The following MKLN1 variants were observed in gnomAD, a reference collection of about 807,000 sequenced individuals.
MKLN1 encodes the protein muskelin.
A neutral mutation model predicts 99.0 loss-of-function variants in MKLN1; 18 were observed. That is an observed-to-expected ratio of 0.18 (90% CI 0.13 to 0.27). MKLN1 has a LOEUF of 0.27. Among genes scored for constraint, MKLN1 ranks in the 10% least tolerant of loss-of-function variants. The pLI is 1.00. For missense variants in MKLN1, 621 were observed against 875.9 expected, an observed-to-expected ratio of 0.71 and a Z score of 3.67; for synonymous variants, 288 against 293.2, an observed-to-expected ratio of 0.98 and a Z score of 0.18.
intron 3 of MKLN1, among the ~76,000 whole-genome samples, chr7:131,233,772 GA>G: frequency 1.3e-5 from 2 of 151,938 alleles, no homozygotes; most frequent in South Asian, 4.2e-4. Flanking sequence ...TGACCTACTG[GA>G]CTTTAAGACA....
chr7:131,455,811 C>T (rs984790587), intron 12 of MKLN1, among the ~76,000 whole-genome samples: 14 of 152,022 alleles, frequency 9.2e-5, no homozygotes, highest in African/African-American at 2.2e-4. Flanking sequence ...TTTGGGAGGC[C>T]GAGGCAGGCG....
chr7:131,127,569 A>C (rs374443724), intron 1 of MKLN1, among the ~76,000 whole-genome samples: 3 of 152,228 alleles, frequency 2.0e-5, no homozygotes, highest in African/African-American at 7.2e-5. Flanking sequence ...TGAAAAGATC[A>C]GGCATGGCCA....
rs190204414 is a variant in MKLN1 at position 131,174,427 on chromosome 7, G to A, written c.-296-28430G>A. 1.0e-3 allele frequency among the ~76,000 whole-genome samples: 155 copies of A among 152,270 alleles called. 2 individuals are homozygous for A. Among genetic ancestry groups the A allele is most frequent in the African/African-American group, 3.3e-3 (136 of 41,546 alleles). ...GGAAAACAATAGCGGGGACAAGAAAGGTTTTAAAAGCCTTCGAAAGTTCCT... is the reference window on the plus strand; with the variant it reads ...GGAAAACAATAGCGGGGACAAGAAAAGTTTTAAAAGCCTTCGAAAGTTCCT... On this transcript the variant is annotated intron_variant, in intron 2 of 7. Transcript: ENST00000416992.
intron 2 of MKLN1, among the ~76,000 whole-genome samples, chr7:131,386,700 A>G (rs2116881453): frequency 6.6e-6 from 1 of 152,362 alleles, no homozygotes; most frequent in East Asian, 1.9e-4. Flanking sequence ...TTCTACATCT[A>G]AAAATTTTAG....
intron 1 of MKLN1, among the ~76,000 whole-genome samples, chr7:131,122,293 C>T (rs1410735592): frequency 1.3e-5 from 2 of 152,190 alleles, no homozygotes; most frequent in East Asian, 1.9e-4. Flanking sequence ...TGACTGCAAA[C>T]CCAGCTTGAT....
At chr7:131,439,835 G>A (rs1488195415) in intron 10 of MKLN1, among the ~76,000 whole-genome samples, 2 of 150,390 alleles carry the variant, frequency 1.3e-5, no homozygotes, top group Admixed American at 6.7e-5. Context: ...TGGTTTTCCA[G>A]GAATAATGGT....
chr7:131,276,098 C>T (rs1016313435), intron 3 of MKLN1, among the ~76,000 whole-genome samples: 3 of 152,182 alleles, frequency 2.0e-5, no homozygotes, highest in Admixed American at 6.5e-5. Context: ...GGAGGAAGAA[C>T]GAGACAGGCA....
chr7:131,296,281 A>T (rs1165087778), intron 3 of MKLN1, among the ~76,000 whole-genome samples: 1 of 152,248 alleles, frequency 6.6e-6, no homozygotes, highest in African/African-American at 2.4e-5. Flanking sequence ...AAATAAATTT[A>T]TGGCCCATCC....
chr7:131,334,963 A>G (rs1563298291), intron 1 of MKLN1, among the ~76,000 whole-genome samples: 2 of 152,190 alleles, frequency 1.3e-5, no homozygotes, highest in Admixed American at 6.5e-5. Context: ...TAAAATTTCT[A>G]GGTCTTTATA....
chr7:131,435,756 C>T (rs1795659556), intron 9 of MKLN1, among the ~76,000 whole-genome samples: 1 of 152,034 alleles, frequency 6.6e-6, no homozygotes, highest in Non-Finnish European at 1.5e-5. Flanking sequence ...ATTTCTGGTA[C>T]TGGCAATTTG....
At chr7:131,370,938 G>A (rs1339600338) in intron 1 of MKLN1, among the ~76,000 whole-genome samples, 1 of 152,138 alleles carries the variant, frequency 6.6e-6, no homozygotes, top group African/African-American at 2.4e-5. Flanking sequence ...CTGGAGATCA[G>A]CAGGAGTATC....
chr7:131,170,999 C>G (rs577701600), intron 2 of MKLN1, among the ~76,000 whole-genome samples: 2 of 152,242 alleles, frequency 1.3e-5, no homozygotes, highest in East Asian at 3.9e-4. Flanking sequence ...TGCAAAAGAT[C>G]AAGATAACAT....
At chr7:131,124,211 G>A (rs1349624654) in intron 1 of MKLN1, among the ~76,000 whole-genome samples, 1 of 152,206 alleles carries the variant, frequency 6.6e-6, no homozygotes, top group Non-Finnish European at 1.5e-5. Context: ...AGCTGTTGTT[G>A]TAGTATTACA....
intron 2 of MKLN1, among the ~76,000 whole-genome samples, chr7:131,154,154 A>G (rs990956284): frequency 1.3e-5 from 2 of 152,202 alleles, no homozygotes; most frequent in Admixed American, 1.3e-4. Context: ...ATATTAGAAA[A>G]CAAAGAATAG....
In MKLN1 at chr7:131,386,085, C is replaced by G. The variant is rs28631691; in HGVS notation, c.169-1035C>G. On this transcript the variant is annotated intron_variant, in intron 2 of 17. Transcript: ENST00000352689. ...CTAGAGTGCAATGGCGTGATCTTGG[C>G]TCACTGCAACCTCCATCTCTAGGGT... Among the ~76,000 whole-genome samples the G allele has an allele frequency of 1.2e-3, 182 of 149,824 alleles. 1 individual carries two copies. The highest frequency in any genetic ancestry group is 4.4e-3 in the African/African-American group (180 of 40,782).
rs145193604 is a variant in MKLN1 at position 131,378,038 on chromosome 7, G to A, written c.168+2545G>A. Among the ~76,000 whole-genome samples, 12 of 152,284 alleles carry A rather than the reference G, an allele frequency of 7.9e-5. No homozygotes were observed. The East Asian group carries it at 2.1e-3, about 27-fold the overall frequency. ...CAGAAAAGAAAAAATAAAATTGAAA[G>A]CAATTTCAATGTTTACTTAGTTGTA... On this transcript the variant is annotated intron_variant, in intron 2 of 17. Coordinates refer to ENST00000352689, the MANE Select transcript of MKLN1 (RefSeq NM_013255.5).
At chr7:131,445,587 A>T (rs1425382201) in intron 11 of MKLN1, among the ~76,000 whole-genome samples, 187 bp from the exon 12 acceptor site, 1 of 152,046 alleles carries the variant, frequency 6.6e-6, no homozygotes, top group Non-Finnish European at 1.5e-5. Flanking sequence ...CTTTAACAGG[A>T]TGTCCTAGAG....
At chr7:131,132,650 C>T (rs993385474) in intron 1 of MKLN1, among the ~76,000 whole-genome samples, 1 of 152,042 alleles carries the variant, frequency 6.6e-6, no homozygotes, top group African/African-American at 2.4e-5. Context: ...AAAGGCCGGG[C>T]GCGGTGGCTC....
chr7:131,292,063 T>C (rs1398165240), intron 3 of MKLN1, among the ~76,000 whole-genome samples: 2 of 152,084 alleles, frequency 1.3e-5, no homozygotes, highest in Non-Finnish European at 2.9e-5. Context: ...GCTATGACCA[T>C]GACACTGCAC....
Sources: allele counts gnomAD v4.1 joint callset (sites outside exome capture counted in the v4.1 genomes callset), GRCh38; gene constraint gnomAD v4.1.1; transcripts MANE v1.5; gene names NCBI Gene and HGNC (gene_info 2026-07-23, HGNC 2026-07-21).